The following NELL1 variants were observed in gnomAD, a reference collection of about 807,000 sequenced individuals.
NELL1 encodes the protein neural EGFL like 1, also known as protein kinase C-binding protein NELL1.
Under a neutral mutation model 107.4 loss-of-function variants are expected in NELL1, and 76 were observed. The ratio of observed to expected loss-of-function variants is 0.71; its 90% confidence interval spans 0.59 to 0.86. The LOEUF (loss-of-function observed/expected upper bound fraction) is 0.86. NELL1 is among the 40% of genes least tolerant of loss of function. The pLI is 0.00. For missense variants in NELL1, 1,024 were observed against 1,005.5 expected (o/e 1.02, Z -0.25); for synonymous variants, 353 against 341.2 (o/e 1.03, Z -0.38).
At chr11:20,987,372 C>T (rs1851874546) in intron 12 of NELL1, among the ~76,000 whole-genome samples, 1 of 152,122 alleles carries the variant, frequency 6.6e-6, no homozygotes, top group African/African-American at 2.4e-5. Flanking sequence ...AGTCTGTTTT[C>T]ATGCTGCTCT....
chr11:20,687,055 T>G (rs1020173967), intron 2 of NELL1, among the ~76,000 whole-genome samples: 2 of 151,358 alleles, frequency 1.3e-5, no homozygotes, highest in Non-Finnish European at 2.9e-5. Context: ...CTTTTTTTTT[T>G]TTTCAAATTT....
At chr11:21,204,629 TTC>T (rs1411671412) in intron 13 of NELL1, among the ~76,000 whole-genome samples, 1 of 152,094 alleles carries the variant, frequency 6.6e-6, no homozygotes, top group Non-Finnish European at 1.5e-5. Context: ...GTCAAACTCA[TTC>T]TCTGTCCAGT....
At chr11:20,782,945 A>G (rs1172886097) in intron 2 of NELL1, among the ~76,000 whole-genome samples, 1 of 152,206 alleles carries the variant, frequency 6.6e-6, no homozygotes, top group Non-Finnish European at 1.5e-5. Context: ...TAGGAGCAGG[A>G]TTAGCTGGAA....
At chr11:21,508,211 C>A (rs999925834) in intron 15 of NELL1, among the ~76,000 whole-genome samples, 5 of 151,850 alleles carry the variant, frequency 3.3e-5, no homozygotes, top group African/African-American at 9.7e-5. Flanking sequence ...ACAGATACAA[C>A]AAATGTTTCT....
chr11:21,110,900 G>A lies in NELL1; in HGVS notation c.1301-2689G>A, dbSNP rs12294448. The stretch of plus-strand genomic sequence containing the variant: ...GATGAAAGTCTGAGCTCCTTCACAC[G>A]GCCTGCAAGGCCTGCCGGAATCTAA... On this transcript the variant is annotated intron_variant, in intron 12 of 19. Transcript: ENST00000357134. Among the ~76,000 whole-genome samples, 1,462 of 152,198 alleles carry A rather than the reference G, an allele frequency of 9.6e-3. 28 individuals are homozygous for A. Among genetic ancestry groups the A allele is most frequent in the African/African-American group, 0.033 (1,381 of 41,536 alleles).
chr11:21,044,618 C>A (rs1186507904), intron 12 of NELL1, among the ~76,000 whole-genome samples: 1 of 152,018 alleles, frequency 6.6e-6, no homozygotes, highest in South Asian at 2.1e-4. Context: ...AGGAGGGGAC[C>A]TTTTAGGAGC....
At chr11:20,811,655 C>T (rs1051180484) in intron 3 of NELL1, among the ~76,000 whole-genome samples, 5 of 151,776 alleles carry the variant, frequency 3.3e-5, no homozygotes, top group African/African-American at 9.7e-5. Flanking sequence ...TTCTTTTACC[C>T]CCTTGGTTAA....
chr11:21,096,466 C>T (rs1180262996), intron 12 of NELL1, among the ~76,000 whole-genome samples: 2 of 152,104 alleles, frequency 1.3e-5, no homozygotes, highest in Admixed American at 1.3e-4. Flanking sequence ...AGAGTAATTT[C>T]TTCCTTCCTC....
intron 12 of NELL1, among the ~76,000 whole-genome samples, chr11:20,994,191 A>C (rs1006827267): frequency 2.0e-5 from 3 of 150,810 alleles, no homozygotes; most frequent in Non-Finnish European, 4.4e-5. Flanking sequence ...AGGTTTGAAA[A>C]CACATACACC....
chr11:20,678,166 C>T, intron 2 of NELL1, 106 bp downstream of exon 2: 2 of 1,311,298 alleles, frequency 1.5e-6, no homozygotes, highest in East Asian at 2.3e-5. Flanking sequence ...TTTGCTATTT[C>T]TCTTGTGTTG....
intron 2 of NELL1, among the ~76,000 whole-genome samples, chr11:20,695,133 A>C (rs1426128388): frequency 6.6e-6 from 1 of 152,152 alleles, no homozygotes; most frequent in Non-Finnish European, 1.5e-5. Flanking sequence ...TGATTTTTAT[A>C]CATTGATTTT....
At chr11:21,413,638 T>TGCAC (rs1852433062) in intron 15 of NELL1, among the ~76,000 whole-genome samples, 1 of 152,090 alleles carries the variant, frequency 6.6e-6, no homozygotes, top group Non-Finnish European at 1.5e-5. Context: ...GTCCTTATTT[T>TGCAC]AGCCTGTGTC....
chr11:21,343,321 A>G (rs1850617028), intron 14 of NELL1, among the ~76,000 whole-genome samples: 2 of 152,000 alleles, frequency 1.3e-5, no homozygotes, highest in South Asian at 4.2e-4. Context: ...CTCGTTGCTC[A>G]ACGAGTCTGC....
chr11:20,842,142 C>T (rs547213910), intron 3 of NELL1, among the ~76,000 whole-genome samples: 16 of 152,084 alleles, frequency 1.1e-4, no homozygotes, highest in South Asian at 1.0e-3. Flanking sequence ...TTTGGGAGGC[C>T]GAGGTGGGCG....
chr11:20,673,406 T>TA (rs1853970118), intron 1 of NELL1, among the ~76,000 whole-genome samples: 1 of 126,220 alleles, frequency 7.9e-6, no homozygotes, highest in Admixed American at 7.7e-5. Context: ...CTTGGAGCAT[T>TA]TTTTTAGTCT....
intron 14 of NELL1, among the ~76,000 whole-genome samples, chr11:21,329,535 A>G (rs7943020): frequency 0.12 from 18,825 of 152,158 alleles, 1,263 homozygotes; most frequent in Non-Finnish European, 0.16. Flanking sequence ...TCATCATCTC[A>G]TATAGTTAAA....
At chr11:21,344,878 G>A (rs1337098833) in intron 14 of NELL1, among the ~76,000 whole-genome samples, 2 of 151,358 alleles carry the variant, frequency 1.3e-5, no homozygotes, top group Non-Finnish European at 1.5e-5. Context: ...GCTTCTCCAG[G>A]AAAAAAAAAA....
At chr11:20,770,890 C>G (rs926409871) in intron 2 of NELL1, 1 of 151,830 alleles carries the variant, frequency 6.6e-6, no homozygotes, top group Non-Finnish European at 1.5e-5. Context: ...TCCCCTCCTT[C>G]TGATAGCAAG....
chr11:21,433,534 G>A (rs114811131), intron 15 of NELL1, among the ~76,000 whole-genome samples: 5 of 152,108 alleles, frequency 3.3e-5, no homozygotes, highest in African/African-American at 7.2e-5. Flanking sequence ...ACCGTCAACA[G>A]TATACGTTAT....
Sources: allele counts gnomAD v4.1 joint callset (sites outside exome capture counted in the v4.1 genomes callset), GRCh38; gene constraint gnomAD v4.1.1; transcripts MANE v1.5; gene names NCBI Gene and HGNC (gene_info 2026-07-23, HGNC 2026-07-21).